The following ZNF385D variants were observed in gnomAD, a reference collection of about 807,000 sequenced individuals.
ZNF385D encodes the protein zinc finger protein 659.
A neutral mutation model predicts 35.8 loss-of-function variants in ZNF385D; 15 were observed. The observed-to-expected ratio is 0.42, with a 90% CI of 0.28 to 0.64. ZNF385D has a LOEUF of 0.64. Ranked by LOEUF, ZNF385D falls within the 30% of genes least tolerant of loss-of-function variation. The probability of loss-of-function intolerance (pLI) is 0.23; values close to 1 mark genes in which losing one functional copy is unlikely to be tolerated. For synonymous variants in ZNF385D, 212 were observed against 186.8 expected, an observed-to-expected ratio of 1.13 and a Z score of -1.10; for missense variants, 474 against 494.6, an observed-to-expected ratio of 0.96 and a Z score of 0.39.
chr3:22,177,682 A>G (rs914062519), intron 2 of ZNF385D, among the ~76,000 whole-genome samples: 1 of 152,190 alleles, frequency 6.6e-6, no homozygotes, highest in African/African-American at 2.4e-5. Context: ...TGCTGTAGCC[A>G]TTAACTCGTC....
chr3:22,168,746 C>G, intron 3 of ZNF385D: 2 of 874,554 alleles, frequency 2.3e-6, no homozygotes, highest in Non-Finnish European at 2.7e-6. Context: ...CTTTTATCCT[C>G]ACATCTGCAG....
At chr3:21,904,302 CAAAAAA>C (rs548922115) in intron 3 of ZNF385D, among the ~76,000 whole-genome samples, 2 of 79,284 alleles carry the variant, frequency 2.5e-5, no homozygotes, top group African/African-American at 4.6e-5. Flanking sequence ...GACTCCATCT[CAAAAAA>C]AAAAAAAAAA....
intron 3 of ZNF385D, among the ~76,000 whole-genome samples, chr3:21,999,989 C>T (rs771728850): frequency 5.9e-5 from 9 of 152,054 alleles, no homozygotes; most frequent in Non-Finnish European, 1.3e-4. Context: ...GCTCAAAAAT[C>T]CCCAAATAGA....
chr3:21,917,677 T>A (rs1305138042), intron 3 of ZNF385D, among the ~76,000 whole-genome samples: 1 of 152,088 alleles, frequency 6.6e-6, no homozygotes, highest in African/African-American at 2.4e-5. Context: ...CAGAAAAAAA[T>A]TTGTCATGGA....
At chr3:21,554,838 T>A (rs1182429857) in intron 3 of ZNF385D, among the ~76,000 whole-genome samples, 1 of 152,162 alleles carries the variant, frequency 6.6e-6, no homozygotes, top group Non-Finnish European at 1.5e-5. Flanking sequence ...CTTCAGACAT[T>A]TTTTTCTCAC....
intron 3 of ZNF385D, among the ~76,000 whole-genome samples, chr3:21,825,405 C>G (rs1247850257): frequency 6.6e-6 from 1 of 152,128 alleles, no homozygotes; most frequent in Non-Finnish European, 1.5e-5. Flanking sequence ...CTCCCTACAT[C>G]AGTCAAATTG....
chr3:22,223,385 G>T (rs1044487888), intron 2 of ZNF385D, among the ~76,000 whole-genome samples: 23 of 152,170 alleles, frequency 1.5e-4, no homozygotes, highest in African/African-American at 5.5e-4. Context: ...GTTTAATAAT[G>T]TAGGCTCTGA....
chr3:22,081,618 T>C (rs749235258), intron 3 of ZNF385D, among the ~76,000 whole-genome samples: 1 of 152,158 alleles, frequency 6.6e-6, no homozygotes, highest in Admixed American at 6.6e-5. Context: ...CAGCCAACTG[T>C]TGTCACAGTA....
chr3:22,025,811 T>C (rs1213718909), intron 3 of ZNF385D, among the ~76,000 whole-genome samples: 2 of 152,168 alleles, frequency 1.3e-5, no homozygotes, highest in East Asian at 3.9e-4. Flanking sequence ...CCTGGACCAA[T>C]GCCTTGTGAG....
At chr3:22,335,118 T>C (rs569280559) in intron 2 of ZNF385D, among the ~76,000 whole-genome samples, 1 of 152,282 alleles carries the variant, frequency 6.6e-6, no homozygotes, top group South Asian at 2.1e-4. Context: ...TAATGTATGA[T>C]CATAATATAT....
At chr3:21,673,376 T>A (rs544408578) in intron 1 of ZNF385D, among the ~76,000 whole-genome samples, 16 of 152,298 alleles carry the variant, frequency 1.1e-4, no homozygotes, top group South Asian at 4.1e-4. Context: ...CAGAAGGTGC[T>A]ATTGGACATT....
chr3:22,277,713 C>T (rs1701500798), intron 2 of ZNF385D, among the ~76,000 whole-genome samples: 1 of 152,002 alleles, frequency 6.6e-6, no homozygotes. Flanking sequence ...ATGAAGGAAA[C>T]TGCAAGATCT....
At chr3:21,828,437 T>C (rs1007289038) in intron 3 of ZNF385D, among the ~76,000 whole-genome samples, 1 of 152,032 alleles carries the variant, frequency 6.6e-6, no homozygotes, top group Non-Finnish European at 1.5e-5. Flanking sequence ...ACAAAAGAAA[T>C]GGGGGGAGGG....
intron 3 of ZNF385D, among the ~76,000 whole-genome samples, chr3:22,094,192 T>C (rs188406363): frequency 5.2e-4 from 78 of 151,364 alleles, no homozygotes; most frequent in African/African-American, 1.8e-3. Context: ...ATATTATTCA[T>C]CTTTTGGTTG....
chr3:22,140,278 T>G (rs985227268), intron 3 of ZNF385D, among the ~76,000 whole-genome samples: 1 of 152,156 alleles, frequency 6.6e-6, no homozygotes, highest in Non-Finnish European at 1.5e-5. Flanking sequence ...TAACACAACA[T>G]AGATCTTAAA....
intron 3 of ZNF385D, among the ~76,000 whole-genome samples, chr3:21,893,741 G>A (rs1346114429): frequency 1.3e-5 from 2 of 152,112 alleles, no homozygotes; most frequent in South Asian, 2.1e-4. Context: ...GTCAAGTCTA[G>A]CTATTTTAGA....
intron 1 of ZNF385D, among the ~76,000 whole-genome samples, chr3:21,717,438 T>G (rs1406359097): frequency 1.3e-5 from 2 of 152,214 alleles, no homozygotes; most frequent in African/African-American, 4.8e-5. Flanking sequence ...TCTGAGGTCC[T>G]TGATACAGAG....
chr3:21,766,839 A>T (rs1485566532), intron 3 of ZNF385D, among the ~76,000 whole-genome samples: 2 of 152,062 alleles, frequency 1.3e-5, no homozygotes, highest in African/African-American at 4.8e-5. Context: ...TTTACTGGAA[A>T]CACTGTTTGT....
chr3:21,841,518 T>C (rs1695674208), intron 3 of ZNF385D, among the ~76,000 whole-genome samples: 1 of 152,064 alleles, frequency 6.6e-6, no homozygotes. Context: ...GCTAATTTTA[T>C]GAGCACAATG....
Sources: gnomAD v4.1 joint callset for allele counts (sites outside exome capture counted in the v4.1 genomes callset) on GRCh38, gnomAD v4.1.1 for gene constraint, MANE v1.5 for transcripts, NCBI Gene and HGNC (gene_info 2026-07-23, HGNC 2026-07-21) for gene names.